The following LOC128125818 variants were observed in gnomAD, a reference collection of about 807,000 sequenced individuals.
At chr4:6,065,650 G>A in the LOC128125818 span, among the ~76,000 whole-genome samples, 1 of 152,206 alleles carries the variant, frequency 6.6e-6, no homozygotes, top group African/African-American at 2.4e-5. The surrounding 1 kb of genome is among the most constrained non-coding windows in gnomAD (Gnocchi z 5.1). Flanking sequence ...AAGATTCACA[G>A]AATGAGAAGG....
chr4:6,066,966 CAT>C, the LOC128125818 span, among the ~76,000 whole-genome samples: 1 of 152,168 alleles, frequency 6.6e-6, no homozygotes, highest in African/African-American at 2.4e-5. Flanking sequence ...CCAGAATCCA[CAT>C]GTCTCCTTCC....
the LOC128125818 span, among the ~76,000 whole-genome samples, chr4:6,065,721 T>G: frequency 6.6e-6 from 1 of 152,240 alleles, no homozygotes; most frequent in South Asian, 2.1e-4. The surrounding 1 kb of genome is among the most constrained non-coding windows in gnomAD (Gnocchi z 5.1). Context: ...TGTAAGGCTC[T>G]ATGTGACGGC....
At chr4:6,067,056 G>T in the LOC128125818 span, among the ~76,000 whole-genome samples, 1 of 152,114 alleles carries the variant, frequency 6.6e-6, no homozygotes, top group Non-Finnish European at 1.5e-5. The surrounding 1 kb of genome is among the most constrained non-coding windows in gnomAD (Gnocchi z 4.6). Flanking sequence ...GGTCCCTCCT[G>T]CTTCACCCCC....
the LOC128125818 span, among the ~76,000 whole-genome samples, chr4:6,066,741 T>C: frequency 2.6e-5 from 4 of 152,104 alleles, no homozygotes; most frequent in Non-Finnish European, 2.9e-5. Context: ...CCTCTCTCCA[T>C]TGGGACCTTC....
At chr4:6,065,139 G>C in the LOC128125818 span, 4 of 1,138,466 alleles carry the variant, frequency 3.5e-6, no homozygotes, top group Non-Finnish European at 5.2e-6. The surrounding 1 kb of genome is among the most constrained non-coding windows in gnomAD (Gnocchi z 5.1). Context: ...CACAAGATGC[G>C]GTTGGTGGGC....
the LOC128125818 span, among the ~76,000 whole-genome samples, chr4:6,068,674 C>T: frequency 6.7e-6 from 1 of 150,124 alleles, no homozygotes; most frequent in Non-Finnish European, 1.5e-5. Context: ...TCTTCTGCTT[C>T]AGCCTCCCAA....
chr4:6,066,915 C>G, the LOC128125818 span, among the ~76,000 whole-genome samples: 1 of 151,870 alleles, frequency 6.6e-6, no homozygotes, highest in Non-Finnish European at 1.5e-5. Context: ...GCACCCCACA[C>G]ACACCTGCCA....
chr4:6,068,740 A>T, the LOC128125818 span, among the ~76,000 whole-genome samples: 67 of 151,432 alleles, frequency 4.4e-4, no homozygotes, highest in Non-Finnish European at 3.7e-4. Flanking sequence ...GTACATATAT[A>T]TTTTTCTTAA....
the LOC128125818 span, among the ~76,000 whole-genome samples, chr4:6,066,729 C>A: frequency 1.1e-4 from 17 of 152,096 alleles, no homozygotes; most frequent in African/African-American, 4.1e-4. Flanking sequence ...GCCCTCTCTC[C>A]CCCTCTCTCC....
chr4:6,069,752 C>CA, the LOC128125818 span, among the ~76,000 whole-genome samples: 13,808 of 124,914 alleles, frequency 0.11, 1,452 homozygotes, highest in African/African-American at 0.31. The surrounding 1 kb of genome is among the most constrained non-coding windows in gnomAD (Gnocchi z 4.5). Context: ...GATCCTGTCT[C>CA]AAAAAAAAAA....
the LOC128125818 span, among the ~76,000 whole-genome samples, chr4:6,067,477 C>T: frequency 1.2e-4 from 19 of 152,178 alleles, no homozygotes; most frequent in Non-Finnish European, 2.8e-4. The surrounding 1 kb of genome is among the most constrained non-coding windows in gnomAD (Gnocchi z 4.6). Context: ...ATGAGAACCC[C>T]ACCCGACTTC....
At chr4:6,067,643 GCACACA>G in the LOC128125818 span, among the ~76,000 whole-genome samples, 444 of 116,698 alleles carry the variant, frequency 3.8e-3, no homozygotes, top group East Asian at 5.5e-3. This position sits in a 1 kb window ranked among gnomAD's most constrained non-coding sequence, Gnocchi z 4.6. Flanking sequence ...AAGCTCTTCT[GCACACA>G]CACACACAGG....
At chr4:6,068,165 A>G in the LOC128125818 span, among the ~76,000 whole-genome samples, 1 of 152,228 alleles carries the variant, frequency 6.6e-6, no homozygotes. Flanking sequence ...GGCATTAACT[A>G]CCAATGCTGC....
chr4:6,066,876 C>T, the LOC128125818 span, among the ~76,000 whole-genome samples: 1 of 152,188 alleles, frequency 6.6e-6, no homozygotes, highest in African/African-American at 2.4e-5. Flanking sequence ...GGCATCATCC[C>T]TCCCTCTCCT....
chr4:6,065,247 T>C, the LOC128125818 span, among the ~76,000 whole-genome samples: 1 of 152,192 alleles, frequency 6.6e-6, no homozygotes, highest in Non-Finnish European at 1.5e-5. The surrounding 1 kb of genome is among the most constrained non-coding windows in gnomAD (Gnocchi z 5.1). Flanking sequence ...GTCCTGGCTC[T>C]GGCTCTCCAG....
the LOC128125818 span, chr4:6,065,040 C>T: frequency 5.8e-5 from 93 of 1,613,458 alleles, no homozygotes; most frequent in East Asian, 2.2e-4. The surrounding 1 kb of genome is among the most constrained non-coding windows in gnomAD (Gnocchi z 5.1). Flanking sequence ...ATGTTAGCAA[C>T]GACTGAGGAT....
chr4:6,066,747 C>A, the LOC128125818 span, among the ~76,000 whole-genome samples: 28,657 of 151,936 alleles, frequency 0.19, 4,070 homozygotes, highest in African/African-American at 0.4. Flanking sequence ...TCCATTGGGA[C>A]CTTCATCTTG....
the LOC128125818 span, among the ~76,000 whole-genome samples, chr4:6,065,429 G>T: frequency 2.6e-5 from 4 of 152,242 alleles, no homozygotes; most frequent in Non-Finnish European, 4.4e-5. The surrounding 1 kb of genome is among the most constrained non-coding windows in gnomAD (Gnocchi z 5.1). Flanking sequence ...GCTGTACCAA[G>T]GAGAAGGGGG....
chr4:6,067,846 G>A, the LOC128125818 span, among the ~76,000 whole-genome samples: 34 of 126,192 alleles, frequency 2.7e-4, no homozygotes, highest in South Asian at 5.2e-4. The surrounding 1 kb of genome is among the most constrained non-coding windows in gnomAD (Gnocchi z 4.6). Context: ...TTCTGCACAC[G>A]CAGGTCACCC....
Sources: allele counts gnomAD v4.1 joint callset (sites outside exome capture counted in the v4.1 genomes callset), GRCh38; gene constraint gnomAD v4.1.1; non-coding constraint Gnocchi (gnomAD v3.1); transcripts MANE v1.5.